The following SDC2 variants were observed in gnomAD, a reference collection of about 807,000 sequenced individuals.
The protein encoded by SDC2 is syndecan-2.
In SDC2, 13 loss-of-function variants were observed where a neutral mutation model predicts 22.2. That is an observed-to-expected ratio of 0.59 (90% CI 0.38 to 0.93). The LOEUF is 0.93. Ranked by LOEUF, SDC2 falls within the 40% of genes least tolerant of loss-of-function variation. The probability of loss-of-function intolerance (pLI) is 0.00; values close to 1 mark genes in which losing one functional copy is unlikely to be tolerated. For synonymous variants in SDC2, 94 were observed against 92.8 expected, an observed-to-expected ratio of 1.01 and a Z score of -0.07; for missense variants, 235 against 246.8, an observed-to-expected ratio of 0.95 and a Z score of 0.32.
At chr8:96,606,199 C>T (rs891366711) in intron 3 of SDC2, among the ~76,000 whole-genome samples, 57 of 152,148 alleles carry the variant, frequency 3.7e-4, no homozygotes, top group Non-Finnish European at 6.0e-4. Flanking sequence ...TTATAGCTCA[C>T]CGCAGCCTCC....
In SDC2 at chr8:96,578,704, C is replaced by T. The variant is rs144402875; in HGVS notation, c.61-14776C>T. On this transcript the variant is annotated intron_variant, in intron 1 of 4. Coordinates refer to ENST00000302190, the MANE Select transcript of SDC2 (RefSeq NM_002998.4). ...ATGCCCCCTGTGTGACAGCCCCAGG[C>T]GGCATGGCTTGACAATGGTTTAGGC... 9.5e-4 allele frequency among the ~76,000 whole-genome samples: 144 copies of T among 152,292 alleles called. 1 individual carries two copies. The highest frequency in any genetic ancestry group is 3.3e-3 in the African/African-American group (137 of 41,566).
chr8:96,533,396 A>G (rs1813698783), intron 1 of SDC2, among the ~76,000 whole-genome samples: 1 of 152,174 alleles, frequency 6.6e-6, no homozygotes, highest in South Asian at 2.1e-4. Context: ...TGGTGCGTTT[A>G]CAATCCCTGA....
chr8:96,606,850 A>G (rs1269964190), intron 3 of SDC2, among the ~76,000 whole-genome samples: 1 of 152,154 alleles, frequency 6.6e-6, no homozygotes, highest in East Asian at 1.9e-4. Context: ...TAGTAAAAGA[A>G]GTGCAACATT....
intron 1 of SDC2, among the ~76,000 whole-genome samples, chr8:96,558,032 G>T (rs1814148102): frequency 6.6e-6 from 1 of 151,974 alleles, no homozygotes; most frequent in Non-Finnish European, 1.5e-5. Flanking sequence ...CCCATAATTG[G>T]TACACATGAG....
chr8:96,561,564 T>A (rs1814211226), intron 1 of SDC2, among the ~76,000 whole-genome samples: 1 of 152,246 alleles, frequency 6.6e-6, no homozygotes, highest in African/African-American at 2.4e-5. Context: ...GGCCACTTAA[T>A]AACCACTGTT....
chr8:96,590,406 T>C (rs966986713), intron 1 of SDC2, among the ~76,000 whole-genome samples: 1 of 152,184 alleles, frequency 6.6e-6, no homozygotes, highest in Non-Finnish European at 1.5e-5. Flanking sequence ...GCAGAGTATG[T>C]CCCGAGGTTT....
rs188594564 is a variant in SDC2, at chr8:96,538,192, C to T, written c.60+43861C>T. Among the ~76,000 whole-genome samples, 889 of 152,240 alleles carry T rather than the reference C, an allele frequency of 5.8e-3. 3 individuals are homozygous for T. The highest frequency in any genetic ancestry group is 0.02 in the African/African-American group (839 of 41,544). ...GGTCAGGCTGGTCTTGAACTCCTGA[C>T]CTTGTGATCCACCCTCCTTAGCCTC... On this transcript the variant is annotated intron_variant, in intron 1 of 4. Transcript: ENST00000302190.
At chr8:96,578,105 G>A (rs1646073416) in intron 1 of SDC2, among the ~76,000 whole-genome samples, 1 of 152,222 alleles carries the variant, frequency 6.6e-6, no homozygotes, top group South Asian at 2.1e-4. Context: ...GTAGTGCCAA[G>A]GGAGAGTTGT....
chr8:96,600,861 A>T (rs1334416383), intron 2 of SDC2, among the ~76,000 whole-genome samples: 1 of 152,150 alleles, frequency 6.6e-6, no homozygotes, highest in Non-Finnish European at 1.5e-5. Flanking sequence ...TGGATATGTG[A>T]CTTTGAGAGG....
chr8:96,546,295 A>G (rs1023535050), intron 1 of SDC2, among the ~76,000 whole-genome samples: 5 of 152,126 alleles, frequency 3.3e-5, no homozygotes, highest in Admixed American at 1.3e-4. Context: ...ATGTGGATGC[A>G]TGTTTTCTGG....
chr8:96,603,907 A>T (rs1000061744), intron 3 of SDC2, among the ~76,000 whole-genome samples: 1 of 152,224 alleles, frequency 6.6e-6, no homozygotes, highest in East Asian at 1.9e-4. Context: ...GGATCCATGC[A>T]TAAAAGCTAC....
intron 1 of SDC2, among the ~76,000 whole-genome samples, chr8:96,536,160 T>C (rs973549844): frequency 6.6e-6 from 1 of 151,984 alleles, no homozygotes; most frequent in African/African-American, 2.4e-5. Flanking sequence ...TTTTTCCTTT[T>C]GTTTCTTCCA....
intron 3 of SDC2, among the ~76,000 whole-genome samples, chr8:96,604,423 T>G (rs1815043290): frequency 6.6e-6 from 1 of 152,224 alleles, no homozygotes; most frequent in Admixed American, 6.5e-5. Context: ...TTCATCCATT[T>G]ATAGGAGATT....
intron 2 of SDC2, among the ~76,000 whole-genome samples, chr8:96,595,429 C>T (rs1241158259): frequency 6.6e-6 from 1 of 151,806 alleles, no homozygotes; most frequent in Non-Finnish European, 1.5e-5. Context: ...TGATATATAT[C>T]ACACACACAA....
chr8:96,506,893 C>G (rs570501109), intron 1 of SDC2, among the ~76,000 whole-genome samples: 2 of 151,906 alleles, frequency 1.3e-5, no homozygotes, highest in South Asian at 2.1e-4. Context: ...CCTGTAGTCC[C>G]AGCTACTCGG....
intron 1 of SDC2, among the ~76,000 whole-genome samples, chr8:96,504,849 C>T (rs1374010820): frequency 2.6e-5 from 4 of 151,774 alleles, no homozygotes. Context: ...TGAGTGCAGG[C>T]AGGCTGAGTC....
At chr8:96,507,935 G>A (rs1056378013) in intron 1 of SDC2, among the ~76,000 whole-genome samples, 14 of 152,058 alleles carry the variant, frequency 9.2e-5, no homozygotes, top group Admixed American at 5.2e-4. Context: ...AGGCAGAGGC[G>A]GGTGGATCAC....
At chr8:96,580,393 A>G in intron 1 of SDC2, 1 of 985,510 alleles carries the variant, frequency 1.0e-6, no homozygotes, top group Non-Finnish European at 1.2e-6. Context: ...TGTCCAGTCA[A>G]AGGGATAATG....
At chr8:96,509,257 G>A (rs1813294537) in intron 1 of SDC2, among the ~76,000 whole-genome samples, 1 of 142,012 alleles carries the variant, frequency 7.0e-6, no homozygotes, top group African/African-American at 2.5e-5. Context: ...TGGGTGTCAA[G>A]CAGTAATAAG....
Sources: gnomAD v4.1 joint callset for allele counts (sites outside exome capture counted in the v4.1 genomes callset) on GRCh38, gnomAD v4.1.1 for gene constraint, MANE v1.5 for transcripts, NCBI Gene and HGNC (gene_info 2026-07-23, HGNC 2026-07-21) for gene names.